ADTRP: variants seen among roughly 807,000 people sequenced by gnomAD.
The protein encoded by ADTRP is androgen-dependent TFPI-regulating protein.
ADTRP carries 20 observed loss-of-function variants against 27.0 expected under a neutral mutation model. The ratio of observed to expected loss-of-function variants is 0.74; its 90% CI spans 0.52 to 1.08. The LOEUF is 1.08. ADTRP is among the 50% of genes least tolerant of loss of function. The pLI, the probability that ADTRP is intolerant of heterozygous loss-of-function variation, is 0.00. For synonymous variants in ADTRP, 101 were observed against 105.2 expected (o/e 0.96, Z 0.25); for missense variants, 251 against 275.0 (o/e 0.91, Z 0.62).
intron 5 of ADTRP, among the ~76,000 whole-genome samples, chr6:11,720,739 G>GT (rs1229698471): frequency 6.6e-6 from 1 of 152,094 alleles, no homozygotes; most frequent in Non-Finnish European, 1.5e-5. Flanking sequence ...TCTTTCCCCT[G>GT]TTTAATACTT....
At chr6:11,731,758 G>GT (rs35438698) in intron 4 of ADTRP, among the ~76,000 whole-genome samples, 1 of 131,502 alleles carries the variant, frequency 7.6e-6, no homozygotes, top group Non-Finnish European at 1.8e-5. Flanking sequence ...GGCTCCTTGT[G>GT]TTTTTTTTAT....
chr6:11,737,543 C>T (rs545481706), intron 3 of ADTRP, among the ~76,000 whole-genome samples: 51 of 152,146 alleles, frequency 3.4e-4, no homozygotes, highest in Admixed American at 2.9e-3. Flanking sequence ...GATCTGGCTA[C>T]GGCAGTCGGA....
In ADTRP at chr6:11,723,342, C is replaced by A; in HGVS notation, c.658+7G>T. 6.2e-7 allele frequency: 1 copy of A among 1,613,906 alleles called. No homozygotes were observed. The highest frequency in any genetic ancestry group is 8.5e-7 in the Non-Finnish European group (1 of 1,179,920). On this transcript the variant is annotated splice_region_variant and intron_variant, in intron 5 of 5. Coordinates refer to ENST00000414691, the MANE Select transcript of ADTRP (RefSeq NM_032744.4). ...CGCATCTGTAGCTAAGAAAGAAATA[C>A]ACTGACCCCATTTCCAGTGGTTGAG... is the stretch of plus-strand genomic sequence containing the variant.
chr6:11,776,724 C>T (rs1038412398), intron 1 of ADTRP, among the ~76,000 whole-genome samples: 2 of 152,120 alleles, frequency 1.3e-5, no homozygotes, highest in Non-Finnish European at 2.9e-5. Context: ...AGCCCAAGGA[C>T]CAATACTAGT....
intron 4 of ADTRP, chr6:11,728,643 T>A (rs1166742270): frequency 6.6e-6 from 1 of 152,258 alleles, no homozygotes; most frequent in Non-Finnish European, 1.5e-5. Context: ...AACTTACCTT[T>A]GTTACTTATT....
intron 5 of ADTRP, 152 bp downstream of exon 5, chr6:11,723,197 G>A (rs1561741501): frequency 4.6e-6 from 5 of 1,089,014 alleles, no homozygotes; most frequent in Non-Finnish European, 6.6e-6. Flanking sequence ...GCCTTGGCAG[G>A]ACCTCTTGGC....
intron 4 of ADTRP, among the ~76,000 whole-genome samples, chr6:11,732,934 C>T (rs184904285): frequency 6.1e-4 from 93 of 152,324 alleles, no homozygotes; most frequent in African/African-American, 2.1e-3. Flanking sequence ...TGAACAAATA[C>T]CTGGCCATGT....
intron 3 of ADTRP, among the ~76,000 whole-genome samples, chr6:11,742,250 C>T (rs1315939295): frequency 6.6e-6 from 1 of 152,202 alleles, no homozygotes; most frequent in African/African-American, 2.4e-5. Context: ...CTCCCTTCTA[C>T]TCAGTCTCCT....
intron 5 of ADTRP, chr6:11,717,417 G>A (rs538898519): frequency 3.7e-5 from 48 of 1,303,922 alleles, no homozygotes; most frequent in Non-Finnish European, 4.2e-5. Context: ...AACAGAAACT[G>A]CAGGCATGGC....
At chr6:11,725,998 C>A (rs939820013) in intron 4 of ADTRP, among the ~76,000 whole-genome samples, 2 of 150,962 alleles carry the variant, frequency 1.3e-5, no homozygotes, top group Admixed American at 1.3e-4. Context: ...AAGGTGGAAT[C>A]TCCCCAAGTG....
At chr6:11,725,854 C>T (rs9368847) in intron 4 of ADTRP, among the ~76,000 whole-genome samples, 9,158 of 138,088 alleles carry the variant, frequency 0.066, 764 homozygotes, top group East Asian at 0.48. Context: ...GATTGGAGAT[C>T]GCGCCACTGC....
chr6:11,768,512 T>C (rs1763647521), intron 1 of ADTRP, 129 bp from the exon 2 acceptor site: 7 of 1,236,340 alleles, frequency 5.7e-6, no homozygotes, highest in Non-Finnish European at 6.7e-6. Context: ...GTTGTTTTGG[T>C]TGAGAGCCAA....
chr6:11,722,982 C>G (rs1762066075), intron 5 of ADTRP, among the ~76,000 whole-genome samples: 1 of 152,206 alleles, frequency 6.6e-6, no homozygotes, highest in South Asian at 2.1e-4. Flanking sequence ...GCTTGTGTCC[C>G]TGGAGCCCTC....
intron 3 of ADTRP, among the ~76,000 whole-genome samples, chr6:11,765,324 T>TTTG (rs1763532402): frequency 1.1e-5 from 1 of 87,460 alleles, no homozygotes; most frequent in South Asian, 3.4e-4. Flanking sequence ...CCCTGGTTTG[T>TTTG]TTTTTTTTTT....
chr6:11,719,954 G>A (rs912810131), intron 5 of ADTRP, among the ~76,000 whole-genome samples: 13 of 152,288 alleles, frequency 8.5e-5, no homozygotes, highest in South Asian at 4.1e-4. Context: ...GAGGTTCTCC[G>A]TGAGCCCAGG....
At chr6:11,749,173 G>GAA (rs1281557993) in intron 3 of ADTRP, among the ~76,000 whole-genome samples, 1 of 152,206 alleles carries the variant, frequency 6.6e-6, no homozygotes, top group African/African-American at 2.4e-5. Context: ...GTAGCTAATG[G>GAA]AATGGATAGA....
intron 4 of ADTRP, among the ~76,000 whole-genome samples, chr6:11,727,053 C>T (rs992126330): frequency 6.6e-6 from 1 of 152,122 alleles, no homozygotes; most frequent in Non-Finnish European, 1.5e-5. Context: ...GATGGAGTCT[C>T]ACTCTGTTGC....
chr6:11,771,595 C>A (rs1763782871), intron 1 of ADTRP, among the ~76,000 whole-genome samples: 1 of 152,210 alleles, frequency 6.6e-6, no homozygotes, highest in South Asian at 2.1e-4. Context: ...GAGCTTGACT[C>A]ACGATAACAG....
intron 4 of ADTRP, among the ~76,000 whole-genome samples, chr6:11,729,853 A>G (rs370478013): frequency 1.3e-5 from 2 of 152,204 alleles, no homozygotes; most frequent in Non-Finnish European, 2.9e-5. Context: ...ATTTTCATCT[A>G]TCAATGGAAT....
Sources: allele counts gnomAD v4.1 joint callset (sites outside exome capture counted in the v4.1 genomes callset), GRCh38; gene constraint gnomAD v4.1.1; transcripts MANE v1.5; gene names NCBI Gene and HGNC (gene_info 2026-07-23, HGNC 2026-07-21).